THSD7B: variants seen among roughly 807,000 people sequenced by gnomAD.
THSD7B encodes thrombospondin type 1 domain containing 7B.
A neutral mutation model predicts 213.6 loss-of-function variants in THSD7B; 138 were observed. The observed-to-expected ratio is 0.65, with a 90% CI of 0.56 to 0.74. The LOEUF is 0.74. Ranked by LOEUF, THSD7B falls within the 30% of genes least tolerant of loss-of-function variation. The pLI, the probability that THSD7B is intolerant of heterozygous loss-of-function variation, is 0.00. For synonymous variants in THSD7B, 742 were observed against 687.0 expected, an observed-to-expected ratio of 1.08 and a Z score of -1.25; for missense variants, 1,931 against 1,991.5, an observed-to-expected ratio of 0.97 and a Z score of 0.58.
At chr2:137,463,695 C>T (rs1487910274) in intron 15 of THSD7B, among the ~76,000 whole-genome samples, 1 of 151,982 alleles carries the variant, frequency 6.6e-6, no homozygotes, top group East Asian at 1.9e-4. Context: ...TGGGTTTTTG[C>T]CTCACAGAGC....
At chr2:137,415,638 C>T (rs79525899) in intron 14 of THSD7B, among the ~76,000 whole-genome samples, 2,863 of 144,926 alleles carry the variant, frequency 0.02, 99 homozygotes, top group African/African-American at 0.069. Flanking sequence ...AGGTGAGCCA[C>T]TTCCAACCAT....
intron 2 of THSD7B, among the ~76,000 whole-genome samples, chr2:136,883,688 G>A (rs546338240): frequency 2.3e-4 from 35 of 152,256 alleles, no homozygotes; most frequent in African/African-American, 8.4e-4. Flanking sequence ...GGGTTATTTT[G>A]AAGCAAGTTT....
At chr2:137,281,527 T>G (rs1683013275) in intron 12 of THSD7B, among the ~76,000 whole-genome samples, 7 of 151,980 alleles carry the variant, frequency 4.6e-5, no homozygotes. Context: ...CATCTAGCAT[T>G]AGGTATATCT....
chr2:137,133,144 C>T (rs1688772261), intron 5 of THSD7B, among the ~76,000 whole-genome samples: 1 of 152,122 alleles, frequency 6.6e-6, no homozygotes, highest in Non-Finnish European at 1.5e-5. Context: ...CACTGAATAC[C>T]TAGGAAATCC....
At chr2:137,561,880 A>G (rs1459104020) in intron 15 of THSD7B, among the ~76,000 whole-genome samples, 1 of 151,830 alleles carries the variant, frequency 6.6e-6, no homozygotes, top group African/African-American at 2.4e-5. Context: ...TTCCACTTCT[A>G]TTTTCCCATC....
chr2:137,395,710 A>G (rs976084669), intron 12 of THSD7B, among the ~76,000 whole-genome samples: 30 of 151,912 alleles, frequency 2.0e-4, no homozygotes, highest in African/African-American at 3.9e-4. Context: ...CTCTTTTTCT[A>G]TTGATTGGAA....
intron 1 of THSD7B, among the ~76,000 whole-genome samples, chr2:136,780,070 G>A (rs982222373): frequency 1.3e-5 from 2 of 152,122 alleles, no homozygotes; most frequent in African/African-American, 2.4e-5. Flanking sequence ...GTGTGTTTGT[G>A]TCTGTCTGTC....
intron 1 of THSD7B, among the ~76,000 whole-genome samples, chr2:136,801,350 A>G (rs969842323): frequency 6.6e-6 from 1 of 152,030 alleles, no homozygotes; most frequent in African/African-American, 2.4e-5. Context: ...TTGGGTAGGC[A>G]CCTTCTGGAA....
At chr2:136,853,011 C>T (rs1285615577) in intron 1 of THSD7B, among the ~76,000 whole-genome samples, 1 of 152,014 alleles carries the variant, frequency 6.6e-6, no homozygotes, top group Non-Finnish European at 1.5e-5. Context: ...TTCCCCATCC[C>T]ACCACTTTGC....
At chr2:137,626,346 C>G (rs1485388291) in intron 20 of THSD7B, among the ~76,000 whole-genome samples, 1 of 151,938 alleles carries the variant, frequency 6.6e-6, no homozygotes, top group African/African-American at 2.4e-5. Flanking sequence ...CGCCTGTAGT[C>G]CCAGCTACTC....
chr2:137,214,198 A>C (rs1681182234), intron 7 of THSD7B, among the ~76,000 whole-genome samples: 1 of 152,088 alleles, frequency 6.6e-6, no homozygotes, highest in African/African-American at 2.4e-5. Flanking sequence ...TCTGGGAAAT[A>C]AAAGCATTTA....
intron 6 of THSD7B, among the ~76,000 whole-genome samples, chr2:137,168,128 T>G (rs1680172655): frequency 1.3e-5 from 2 of 152,198 alleles, no homozygotes; most frequent in Admixed American, 1.3e-4. Context: ...CCAGTCTTGG[T>G]AAAGGGTGGA....
intron 15 of THSD7B, among the ~76,000 whole-genome samples, chr2:137,521,660 G>A (rs948204234): frequency 6.6e-6 from 1 of 152,200 alleles, no homozygotes; most frequent in Non-Finnish European, 1.5e-5. Context: ...AAGAAGTGGA[G>A]ATGCCAGCTG....
rs1205747685 is a variant in THSD7B at position 137,080,370 on chromosome 2, T to A, written c.951-14503T>A. Among the ~76,000 whole-genome samples, 4 of 89,474 alleles carry A rather than the reference T, an allele frequency of 4.5e-5. No homozygotes were observed. The South Asian group carries it at 1.3e-3, about 29-fold the overall frequency. The allele number at this position is 89,474 out of a possible 152,430, so 58.7% of individuals were successfully genotyped here. Reference sequence around the variant, plus strand: ...GCATGTACCACCATGCCCAGCTGTTTTTTTTTTTTTTTTTTTTTTTTTAAA... The same window carrying A: ...GCATGTACCACCATGCCCAGCTGTTATTTTTTTTTTTTTTTTTTTTTTAAA... On this transcript the variant is annotated intron_variant, in intron 3 of 27. Transcript: ENST00000409968.
intron 1 of THSD7B, among the ~76,000 whole-genome samples, chr2:136,864,698 T>G (rs1266161364): frequency 6.6e-6 from 1 of 152,082 alleles, no homozygotes; most frequent in Non-Finnish European, 1.5e-5. Flanking sequence ...GACCACAGGC[T>G]CCAGCCACCA....
intron 12 of THSD7B, among the ~76,000 whole-genome samples, chr2:137,296,816 C>G (rs939468319): frequency 6.6e-6 from 1 of 151,984 alleles, no homozygotes; most frequent in African/African-American, 2.4e-5. Context: ...TGGATAGTCC[C>G]TAAGTGTAAG....
chr2:137,605,100 C>G (rs1401283314), intron 17 of THSD7B, among the ~76,000 whole-genome samples: 1 of 152,140 alleles, frequency 6.6e-6, no homozygotes, highest in African/African-American at 2.4e-5. Flanking sequence ...GTTCACATTT[C>G]AATAAGGCCT....
At chr2:137,378,201 G>A (rs10180601) in intron 12 of THSD7B, among the ~76,000 whole-genome samples, 23,235 of 152,132 alleles carry the variant, frequency 0.15, 1,932 homozygotes, top group South Asian at 0.26. Flanking sequence ...CAGGTCTTAC[G>A]TTAGAATGAT....
chr2:137,657,477 G>A (rs947476709), intron 24 of THSD7B, among the ~76,000 whole-genome samples: 4 of 152,002 alleles, frequency 2.6e-5, no homozygotes, highest in East Asian at 1.9e-4. Flanking sequence ...TCAATAAAAC[G>A]TTTCAAAGGA....
Sources: gnomAD v4.1 joint callset for allele counts (sites outside exome capture counted in the v4.1 genomes callset) on GRCh38, gnomAD v4.1.1 for gene constraint, MANE v1.5 for transcripts, NCBI Gene and HGNC (gene_info 2026-07-23, HGNC 2026-07-21) for gene names.